The following DCST1 variants were observed in gnomAD, a reference collection of about 807,000 sequenced individuals.
DCST1 encodes DC-STAMP domain containing 1, also known as E3 ubiquitin-protein ligase DCST1.
Under a neutral mutation model 89.1 loss-of-function variants are expected in DCST1, and 78 were observed. The ratio of observed to expected loss-of-function variants is 0.88; its 90% CI spans 0.73 to 1.06. The LOEUF is 1.06. DCST1 is among the 50% of genes least tolerant of loss of function. DCST1 has a pLI of 0.00. For synonymous variants in DCST1, 364 were observed against 371.9 expected (o/e 0.98, Z 0.24); for missense variants, 900 against 928.6 (o/e 0.97, Z 0.40).
chr1:155,035,891 C>T (rs1660267492), intron 4 of DCST1, among the ~76,000 whole-genome samples: 1 of 151,962 alleles, frequency 6.6e-6, no homozygotes, highest in Non-Finnish European at 1.5e-5. Context: ...GATCGTGCCA[C>T]TGCACTCCAG....
In DCST1 at chr1:155,048,170, G is replaced by A. The variant is rs143335670; in HGVS notation, c.1869G>A (p.Pro623=). 4.5e-5 allele frequency: 72 copies of A among 1,613,014 alleles called. No homozygotes were observed. The Admixed American group carries it at 6.0e-4, about 13-fold the overall frequency. The change falls in exon 16 of 17, where the codon CCG becomes CCA. Residue 623 remains proline (P), a splice_region_variant and synonymous_variant. Transcript: ENST00000295542. ...GGCGGGAGCGACAGCAGAAGGCTCC[G>A]GTAAGTCCAGGCGTAAGTGCTGCTG... ...ILRRERQQKA[P]RHPLADILHR...
chr1:155,048,097 T>C lies in DCST1; in HGVS notation c.1796T>C (p.Leu599Ser). 1 of 1,613,762 alleles carries C rather than the reference T, an allele frequency of 6.2e-7. No individual in the cohort carries two copies. Among genetic ancestry groups the C allele is most frequent in the Non-Finnish European group, 8.5e-7 (1 of 1,179,918 alleles). ...KRILFLYNDLLKKRAAFTKLR... is the reference protein window; with the variant it reads ...KRILFLYNDLSKKRAAFTKLR... ...ATCCTGTTCCTCTACAATGACCTAT[T>C]GAAGAAAAGAGCAGCCTTCACCAAA... The change falls in exon 16 of 17, where the codon TTG becomes TCG. Residue 599 changes from leucine (L) to serine (S), a missense_variant. Physicochemically the swap from Leu to Ser is moderately radical, Grantham distance 145. Transcript: ENST00000295542.
chr1:155,040,664 C>G (rs780380991), intron 6 of DCST1, 40 bp downstream of exon 6: 2 of 1,517,110 alleles, frequency 1.3e-6, no homozygotes, highest in South Asian at 1.2e-5. Context: ...GGGTCCCTCT[C>G]CCTGGGGCCA....
intron 10 of DCST1, among the ~76,000 whole-genome samples, chr1:155,044,360 T>C (rs1660538548): frequency 6.6e-6 from 1 of 151,650 alleles, no homozygotes; most frequent in African/African-American, 2.4e-5. Context: ...CACATGCCTG[T>C]AGTCCCAGCT....
chr1:155,042,986 AAGG>A, intron 9 of DCST1, 130 bp downstream of exon 9: 3 of 683,034 alleles, frequency 4.4e-6, no homozygotes, highest in Non-Finnish European at 6.7e-6. Flanking sequence ...GGAGGGGGAC[AAGG>A]AGGGGGAATG....
intron 9 of DCST1, 66 bp from the exon 10 acceptor site, chr1:155,043,286 G>A: frequency 6.2e-7 from 1 of 1,610,368 alleles, no homozygotes; most frequent in East Asian, 2.2e-5. Context: ...CAGATGTCAT[G>A]AAGAGGTGGG....
Position 155,048,178 on chromosome 1 carries a change from C to T in DCST1, c.1869+8C>T. On this transcript the variant is annotated splice_region_variant and intron_variant, in intron 16 of 16. Coordinates refer to ENST00000295542, the MANE Select transcript of DCST1 (RefSeq NM_152494.4). The stretch of plus-strand genomic sequence containing the variant: ...CGACAGCAGAAGGCTCCGGTAAGTC[C>T]AGGCGTAAGTGCTGCTGCCAGCTCC... 3.1e-6 allele frequency: 5 copies of T among 1,612,082 alleles called. No homozygotes were observed. The highest frequency in any genetic ancestry group is 4.2e-6 in the Non-Finnish European group (5 of 1,178,832).
chr1:155,044,044 AGGGCTT>A (rs1018719596), intron 10 of DCST1, among the ~76,000 whole-genome samples: 21 of 152,168 alleles, frequency 1.4e-4, no homozygotes, highest in African/African-American at 5.1e-4. Flanking sequence ...TGAGATGGGC[AGGGCTT>A]GGGTGAGGGC....
At chr1:155,047,647 C>G in intron 14 of DCST1, 140 bp from the exon 15 acceptor site, 1 of 725,166 alleles carries the variant, frequency 1.4e-6, no homozygotes, top group Non-Finnish European at 2.3e-6. Flanking sequence ...ACTGACAGGG[C>G]AGTTCTGCAG....
Position 155,050,729 on chromosome 1 carries a change from G to A in DCST1, c.1982G>A (p.Arg661Gln), listed in dbSNP as rs1487407764. ...GAGACGCCCGAGTCCTACGTGTGCCGGACGCTGGACTGCGAGGCCGTGTAC... is the reference window on the plus strand; with the variant it reads ...GAGACGCCCGAGTCCTACGTGTGCCAGACGCTGGACTGCGAGGCCGTGTAC... The part of the protein sequence containing the change: ...APETPESYVC[R>Q]TLDCEAVYCW... Residue 661 changes from arginine (R) to glutamine (Q), a missense_variant, in exon 17 of 17, where the codon CGG becomes CAG. Physicochemically the swap from Arg to Gln is conservative, Grantham distance 43. Transcript: ENST00000295542. 1 of 1,610,022 alleles carries A rather than the reference G, an allele frequency of 6.2e-7. No homozygotes were observed. Among genetic ancestry groups the A allele is most frequent in the East Asian group, 2.2e-5 (1 of 44,680 alleles).
intron 16 of DCST1, 115 bp from the exon 17 acceptor site, chr1:155,050,502 C>G: frequency 1.4e-6 from 2 of 1,391,450 alleles, no homozygotes; most frequent in Non-Finnish European, 1.9e-6. Context: ...CCAACCCAGC[C>G]TCCTCCAACA....
intron 4 of DCST1, among the ~76,000 whole-genome samples, chr1:155,038,204 A>C (rs748756064): frequency 1.3e-5 from 2 of 152,240 alleles, no homozygotes; most frequent in South Asian, 2.1e-4. Context: ...TGGCTTGTCC[A>C]AGGAGCAGCA....
At chr1:155,040,319 A>C (rs1357767097) in intron 5 of DCST1, among the ~76,000 whole-genome samples, 166 bp from the exon 6 acceptor site, 1 of 151,944 alleles carries the variant, frequency 6.6e-6, no homozygotes, top group African/African-American at 2.4e-5. Context: ...AAAAAAAAAA[A>C]AACAGTGAAA....
Position 155,047,199 on chromosome 1 carries a change from G to C in DCST1, c.1499G>C (p.Ser500Thr), listed in dbSNP as rs147819168. Residue 500 changes from serine to threonine, a missense_variant, in exon 14 of 17, where the codon AGT (serine) becomes ACT (threonine). Ser to Thr is a moderately conservative substitution (Grantham distance 58). Coordinates refer to ENST00000295542, the MANE Select transcript of DCST1 (RefSeq NM_152494.4). Reference protein sequence around the residue: ...HSFLQYSFRSSHKLEVKVGGD... With the variant: ...HSFLQYSFRSTHKLEVKVGGD... ...CTACCTGTCCTCCTGGCCGCAGGCA[G>C]TCATAAACTGGAGGTGAAGGTCGGG... 3.1e-6 allele frequency: 5 copies of C among 1,614,092 alleles called. No individual in the cohort carries two copies. Among genetic ancestry groups the C allele is most frequent in the Non-Finnish European group, 4.2e-6 (5 of 1,179,940 alleles).
At chr1:155,043,608 A>C (rs1268940302) in intron 10 of DCST1, 99 bp downstream of exon 10, 2 of 1,340,428 alleles carry the variant, frequency 1.5e-6, no homozygotes, top group Non-Finnish European at 2.0e-6. Flanking sequence ...ACCTATCCTC[A>C]CCTCTGAATC....
intron 2 of DCST1, 152 bp from the exon 3 acceptor site, chr1:155,034,283 A>G: frequency 6.3e-7 from 1 of 1,582,612 alleles, no homozygotes; most frequent in Non-Finnish European, 8.6e-7. Context: ...CCACTTCCTC[A>G]GGCTCCCTCA....
In DCST1 at chr1:155,050,764, T is replaced by C. The variant is rs771744058; in HGVS notation, c.2017T>C (p.Cys673Arg). The change falls in exon 17 of 17, where the codon TGC becomes CGC. Residue 673 changes from cysteine (C) to arginine (R), a missense_variant. Cys to Arg is a radical substitution (Grantham distance 180, BLOSUM62 -3). Coordinates refer to ENST00000295542, the MANE Select transcript of DCST1 (RefSeq NM_152494.4). ...LDCEAVYCWSCWDDMRQRCPV... is the reference protein window; with the variant it reads ...LDCEAVYCWSRWDDMRQRCPV... ...CTGCGAGGCCGTGTACTGCTGGTCG[T>C]GCTGGGACGACATGCGGCAGCGGTG... The C allele has an allele frequency of 1.6e-5, 26 of 1,611,748 alleles. No individual in the cohort carries two copies. The highest frequency in any genetic ancestry group is 2.0e-5 in the Non-Finnish European group (23 of 1,179,154).
chr1:155,048,786 C>T (rs778428727), intron 16 of DCST1, among the ~76,000 whole-genome samples: 2 of 151,986 alleles, frequency 1.3e-5, no homozygotes, highest in African/African-American at 2.4e-5. Context: ...GCAAGAGGGC[C>T]GCACAGAAAC....
chr1:155,040,747 A>C, intron 6 of DCST1, 123 bp downstream of exon 6: 1 of 1,393,934 alleles, frequency 7.2e-7, no homozygotes, highest in Non-Finnish European at 9.5e-7. Flanking sequence ...CATTTTTTGC[A>C]GAACTATTCC....
Sources: gnomAD v4.1 joint callset for allele counts (sites outside exome capture counted in the v4.1 genomes callset) on GRCh38, gnomAD v4.1.1 for gene constraint, MANE v1.5 for transcripts, NCBI Gene and HGNC (gene_info 2026-07-23, HGNC 2026-07-21) for gene names.